KCNMB1: variants seen among roughly 807,000 people sequenced by gnomAD.
KCNMB1 encodes the protein calcium-activated potassium channel subunit beta-1.
In KCNMB1, 22 loss-of-function variants were observed where a neutral mutation model predicts 21.7. That is an observed-to-expected ratio of 1.01 (90% confidence interval 0.72 to 1.45). The LOEUF is 1.45. KCNMB1 is among the 40% of genes most tolerant of loss of function. The pLI, the probability that KCNMB1 is intolerant of heterozygous loss-of-function variation, is 0.00. For missense variants in KCNMB1, 243 were observed against 243.4 expected (o/e 1.00, Z 0.01); for synonymous variants, 114 against 107.6 (o/e 1.06, Z -0.37).
rs1764016032 is a variant in KCNMB1 at position 170,376,601 on chromosome 5, A to C, written c.*2103T>G. 1 of 152,068 alleles carries C rather than the reference A, an allele frequency of 6.6e-6. No homozygotes were observed. Among genetic ancestry groups the C allele is most frequent in the Non-Finnish European group, 1.5e-5 (1 of 68,026 alleles). The allele number at this position is 152,068 out of a possible 1,614,324, so 9.4% of individuals were successfully genotyped here. A position where few individuals can be genotyped will look rare whatever the true frequency, so the allele number is the denominator to read the frequency against. ...TTTCATCATTTAGCTCCCACTTATA[A>C]GTGAGAATATACAGTATTTAGTTTT... On this transcript the variant is annotated 3_prime_UTR_variant, in exon 4 of 4. Transcript: ENST00000274629.
rs1764091049 is a variant in KCNMB1 at position 170,378,369 on chromosome 5, G to A, written c.*335C>T. The A allele has an allele frequency of 4.2e-6, 1 of 236,298 alleles. No homozygotes were observed. Among genetic ancestry groups the A allele is most frequent in the Admixed American group, 5.2e-5 (1 of 19,286 alleles). 14.6% of individuals were successfully genotyped at this position (236,298 alleles called of 1,614,324 possible). On this transcript the variant is annotated 3_prime_UTR_variant, in exon 4 of 4. Coordinates refer to ENST00000274629, the MANE Select transcript of KCNMB1 (RefSeq NM_004137.4). ...GCTTTGAGACAACAGGGAGAACTCA[G>A]GCACAGAGGTGACGATCATCGTTCT... is the stretch of plus-strand genomic sequence containing the variant.
In KCNMB1 at chr5:170,380,699, G is replaced by A. The variant is rs1764204386; in HGVS notation, c.307-1726C>T. 2.0e-5 allele frequency among the ~76,000 whole-genome samples: 3 copies of A among 152,350 alleles called. No homozygotes were observed. The South Asian group carries it at 6.2e-4, about 32-fold the overall frequency. ...CAGGTCCTCAGTAGCATATAATCCA[G>A]CATCCTGAGCTGACGGTGAGGGGGC... On this transcript the variant is annotated intron_variant, in intron 3 of 3. Coordinates refer to ENST00000274629, the MANE Select transcript of KCNMB1 (RefSeq NM_004137.4).
chr5:170,385,190 C>A, intron 2 of KCNMB1, 124 bp downstream of exon 2: 2 of 1,035,808 alleles, frequency 1.9e-6, no homozygotes, highest in Non-Finnish European at 2.9e-6. Flanking sequence ...GAATGAGCAT[C>A]GTCTTGACCC....
intron 3 of KCNMB1, among the ~76,000 whole-genome samples, 188 bp from the exon 4 acceptor site, chr5:170,379,161 T>C (rs1222697774): frequency 2.6e-5 from 4 of 152,150 alleles, no homozygotes; most frequent in African/African-American, 9.7e-5. Flanking sequence ...TTGTGTCTTG[T>C]GTGTGGATGG....
intron 3 of KCNMB1, among the ~76,000 whole-genome samples, chr5:170,382,412 T>G (rs1183364565): frequency 6.6e-6 from 1 of 152,186 alleles, no homozygotes; most frequent in Non-Finnish European, 1.5e-5. Flanking sequence ...ACATTTTAAT[T>G]CCATATTGTG....
In KCNMB1 at chr5:170,376,458, C is replaced by G. The variant is rs1421869201; in HGVS notation, c.*2246G>C. ...GATTACAGGTGTGAGCCACCACGCC[C>G]GGCCGACTTTTTCTTGTTACTAACA... On this transcript the variant is annotated 3_prime_UTR_variant, in exon 4 of 4. Coordinates refer to ENST00000274629, the MANE Select transcript of KCNMB1 (RefSeq NM_004137.4). The G allele has an allele frequency of 6.6e-6, 1 of 152,180 alleles. No homozygotes were observed. The highest frequency in any genetic ancestry group is 2.4e-5 in the African/African-American group (1 of 41,422). 9.4% of individuals were successfully genotyped at this position (152,180 alleles called of 1,614,324 possible).
intron 1 of KCNMB1, 56 bp from the exon 2 acceptor site, chr5:170,385,527 A>G: frequency 6.6e-7 from 1 of 1,524,178 alleles, no homozygotes; most frequent in Non-Finnish European, 9.1e-7. Context: ...GGTGATCCAC[A>G]GAAAGAGAGG....
At chr5:170,383,472 G>GTTTA (rs1463440461) in intron 3 of KCNMB1, 4 of 639,146 alleles carry the variant, frequency 6.3e-6, no homozygotes, top group Non-Finnish European at 1.1e-5. Flanking sequence ...GCCTGCCTAT[G>GTTTA]TTTACACAGC....
chr5:170,382,120 G>A (rs1287972737), intron 3 of KCNMB1, among the ~76,000 whole-genome samples: 1 of 152,190 alleles, frequency 6.6e-6, no homozygotes, highest in Non-Finnish European at 1.5e-5. Context: ...GGTCGTGAGT[G>A]CTTGCTGCGG....
At chr5:170,387,465 G>T (rs939574835) in intron 1 of KCNMB1, among the ~76,000 whole-genome samples, 1 of 152,150 alleles carries the variant, frequency 6.6e-6, no homozygotes, top group African/African-American at 2.4e-5. Flanking sequence ...AAGAGACCAG[G>T]GTCAGGCACC....
intron 2 of KCNMB1, among the ~76,000 whole-genome samples, chr5:170,384,489 C>T (rs77882916): frequency 0.012 from 1,768 of 152,292 alleles, 30 homozygotes; most frequent in African/African-American, 0.04. Flanking sequence ...ATCGCTTCAG[C>T]GTTGTGAAGA....
intron 2 of KCNMB1, among the ~76,000 whole-genome samples, chr5:170,384,710 A>G (rs1177705891): frequency 6.6e-6 from 1 of 152,224 alleles, no homozygotes; most frequent in East Asian, 1.9e-4. Flanking sequence ...TAGAACACGA[A>G]TTAGGAATTC....
chr5:170,388,551 T>G (rs1484287166), intron 1 of KCNMB1, among the ~76,000 whole-genome samples: 2 of 152,194 alleles, frequency 1.3e-5, no homozygotes, highest in African/African-American at 2.4e-5. Flanking sequence ...CTGGGATAGA[T>G]TCAGAGAAGA....
chr5:170,383,937 G>A, intron 2 of KCNMB1, 87 bp from the exon 3 acceptor site: 1 of 1,378,992 alleles, frequency 7.3e-7, no homozygotes, highest in Non-Finnish European at 9.9e-7. Context: ...TCCCCTGGGA[G>A]CCTCTAGAGG....
intron 1 of KCNMB1, among the ~76,000 whole-genome samples, chr5:170,388,861 C>A (rs908417652): frequency 9.2e-5 from 14 of 152,200 alleles, no homozygotes; most frequent in Non-Finnish European, 2.9e-5. Flanking sequence ...CCCAAATCAG[C>A]CCCCAGTAAA....
Position 170,383,826 on chromosome 5 carries a change from G to C in KCNMB1, c.159C>G (p.Cys53Trp), listed in dbSNP as rs147511146. The C allele has an allele frequency of 6.2e-7, 1 of 1,614,006 alleles. No homozygotes were observed. Among genetic ancestry groups the C allele is most frequent in the East Asian group, 2.2e-5 (1 of 44,866 alleles). ...CCCTGATGTTGGTCTCAATCAGGTG[G>C]CACTTGGATTCCTGGGTCCACACGC... The part of the protein sequence containing the change: ...QKSVWTQESK[C>W]HLIETNIRDQ... Residue 53 changes from cysteine to tryptophan, a missense_variant, in exon 3 of 4, where the codon TGC becomes TGG. Physicochemically the swap from Cys to Trp is radical, Grantham distance 215. Coordinates refer to ENST00000274629, the MANE Select transcript of KCNMB1 (RefSeq NM_004137.4).
chr5:170,387,161 T>C (rs1764509595), intron 1 of KCNMB1, among the ~76,000 whole-genome samples: 1 of 152,226 alleles, frequency 6.6e-6, no homozygotes, highest in Non-Finnish European at 1.5e-5. Context: ...GCTATCAATG[T>C]AATCCTCCAT....
At chr5:170,383,389 A>G (rs1190327596) in intron 3 of KCNMB1, 3 of 598,624 alleles carry the variant, frequency 5.0e-6, no homozygotes, top group Non-Finnish European at 8.9e-6. Context: ...CTGACTTGAT[A>G]ACAGCTCTTC....
At chr5:170,382,553 C>T (rs1311083105) in intron 3 of KCNMB1, 1 of 152,330 alleles carries the variant, frequency 6.6e-6, no homozygotes, top group Non-Finnish European at 1.5e-5. Flanking sequence ...TTCCCTCCGC[C>T]ATGCCTCGTC....
Sources: allele counts gnomAD v4.1 joint callset (sites outside exome capture counted in the v4.1 genomes callset), GRCh38; gene constraint gnomAD v4.1.1; transcripts MANE v1.5; gene names NCBI Gene and HGNC (gene_info 2026-07-23, HGNC 2026-07-21).